Variants in PLS3 observed in about 807,000 individuals in gnomAD.
The protein encoded by PLS3 is plastin 3.
In PLS3, 11 loss-of-function variants were observed where a neutral mutation model predicts 46.5. That is an observed-to-expected ratio of 0.24 (90% CI 0.15 to 0.39). PLS3 has a LOEUF of 0.39. Ranked by LOEUF, PLS3 falls within the 10% of genes least tolerant of loss-of-function variation. The pLI is 1.00. For synonymous variants in PLS3, 167 were observed against 162.2 expected, an observed-to-expected ratio of 1.03 and a Z score of -0.22; for missense variants, 308 against 461.8, an observed-to-expected ratio of 0.67 and a Z score of 3.05.
intron 9 of PLS3, among the ~76,000 whole-genome samples, chrX:115,641,884 T>C (rs190073657): frequency 9.9e-4 from 109 of 110,033 alleles, no homozygotes; most frequent in African/African-American, 3.4e-3. Flanking sequence ...ACCCTACAAA[T>C]CTTGCTCTAA....
rs782001249 is a variant in PLS3 at position 115,636,554 on chromosome X, A to G, written c.749-282A>G. Among the ~76,000 whole-genome samples the G allele has an allele frequency of 8.0e-5, 9 of 112,281 alleles. No homozygotes were observed. In the South Asian group the frequency reaches 2.9e-3, roughly 37 times the overall value. On this transcript the variant is annotated intron_variant, in intron 7 of 15. Transcript: ENST00000355899. ...TTAAATAAGAACAACTTATACAAAC[A>G]TATGACATAATGTGAAGCTTGCATT...
At chrX:115,628,917 G>A (rs1277750255) in intron 3 of PLS3, among the ~76,000 whole-genome samples, 2 of 111,967 alleles carry the variant, frequency 1.8e-5, no homozygotes, top group Non-Finnish European at 3.8e-5. Flanking sequence ...AGATTTACCT[G>A]TGCCTTTGAA....
In PLS3 at chrX:115,646,100, C is replaced by G. The variant is rs782412156; in HGVS notation, c.1291C>G (p.Gln431Glu). ...ADLQDALVIL[Q>E]LYERIKVPVD... ...CCTGCAAGATGCCCTGGTAATCTTA[C>G]AGTTATATGAACGAATTAAAGTTCC... The change falls in exon 12 of 16, where the codon CAG becomes GAG. Residue 431 changes from glutamine to glutamate, a missense_variant. Around this residue, in one of 2 missense-constraint regions of PLS3, gnomAD observed 271 missense variants for 435.7 expected, o/e 0.62. Transcript: ENST00000355899. 6.8e-6 allele frequency: 8 copies of G among 1,181,529 alleles called. No individual in the cohort carries two copies. In the South Asian group the frequency reaches 1.4e-4, roughly 21 times the overall value.
intron 1 of PLS3, among the ~76,000 whole-genome samples, chrX:115,576,823 C>T (rs188769242): frequency 8.9e-6 from 1 of 112,359 alleles, no homozygotes; most frequent in East Asian, 2.8e-4. Context: ...CCATTTAGAA[C>T]TTCCTGCGTA....
At chrX:115,625,882 A>T (rs1271217001) in intron 3 of PLS3, among the ~76,000 whole-genome samples, 1 of 112,199 alleles carries the variant, frequency 8.9e-6, no homozygotes, top group Non-Finnish European at 1.9e-5. Flanking sequence ...AAAGAAGGCG[A>T]AACTTAATAA....
intron 1 of PLS3, among the ~76,000 whole-genome samples, chrX:115,590,712 C>A (rs1210537088): frequency 1.8e-5 from 2 of 111,357 alleles, no homozygotes; most frequent in Non-Finnish European, 1.9e-5. Context: ...CCCAGCTACT[C>A]GGGAGGCTGA....
chrX:115,629,097 T>C (rs1448404448), intron 3 of PLS3, 101 bp from the exon 4 acceptor site: 2 of 586,051 alleles, frequency 3.4e-6, no homozygotes, highest in Admixed American at 8.2e-5. Context: ...ACATCAGCTA[T>C]GGAAAAAATG....
intron 7 of PLS3, among the ~76,000 whole-genome samples, chrX:115,635,650 C>CAAAAAA (rs10606256): frequency 9.1e-5 from 2 of 21,887 alleles, no homozygotes; most frequent in African/African-American, 2.1e-4. Context: ...GACTCTGTCT[C>CAAAAAA]AAAAAAAAAA....
intron 3 of PLS3, among the ~76,000 whole-genome samples, chrX:115,624,971 T>G (rs2074695780): frequency 9.0e-6 from 1 of 111,620 alleles, no homozygotes; most frequent in African/African-American, 3.2e-5. Context: ...TCCCTGCTAT[T>G]CAAGAAATTT....
intron 2 of PLS3, among the ~76,000 whole-genome samples, chrX:115,611,402 C>CT (rs1173700114): frequency 4.5e-5 from 5 of 112,344 alleles, no homozygotes; most frequent in Middle Eastern, 4.2e-3. Flanking sequence ...ATGGATACCA[C>CT]TTACTGTAAG....
chrX:115,602,899 G>A (rs2074458439), intron 1 of PLS3, among the ~76,000 whole-genome samples: 1 of 109,599 alleles, frequency 9.1e-6, no homozygotes, highest in East Asian at 2.9e-4. Context: ...GATCAAAGTT[G>A]GTTACCCCCA....
In PLS3 at chrX:115,581,695, C is replaced by T. The variant is rs187991204; in HGVS notation, c.-9+20435C>T. 1.3e-3 allele frequency among the ~76,000 whole-genome samples: 147 copies of T among 111,959 alleles called. 1 individual carries two copies. The highest frequency in any genetic ancestry group is 4.5e-3 in the African/African-American group (140 of 30,875). On this transcript the variant is annotated intron_variant, in intron 1 of 15. Coordinates refer to ENST00000355899, the MANE Select transcript of PLS3 (RefSeq NM_005032.7). ...GTGGCAGGCACAAAACAAAACGTTC[C>T]GGTTATATTTTCCATCCTGTTTATA... is the stretch of plus-strand genomic sequence containing the variant.
intron 1 of PLS3, among the ~76,000 whole-genome samples, chrX:115,576,744 A>G (rs1366329997): frequency 9.0e-6 from 1 of 111,480 alleles, no homozygotes; most frequent in African/African-American, 3.3e-5. Flanking sequence ...ATCCTTTAGG[A>G]AAGGATAGGC....
chrX:115,604,228 G>A (rs888406302), intron 1 of PLS3, among the ~76,000 whole-genome samples: 5 of 111,818 alleles, frequency 4.5e-5, no homozygotes, highest in South Asian at 3.7e-4. Context: ...AGTAATTATA[G>A]GGAGATGAGA....
At chrX:115,577,203 C>T (rs1171529822) in intron 1 of PLS3, among the ~76,000 whole-genome samples, 1 of 111,779 alleles carries the variant, frequency 8.9e-6, no homozygotes, top group African/African-American at 3.3e-5. Context: ...ATAAAGTTAC[C>T]ATGAACTCTC....
At chrX:115,576,483 G>A (rs1556631220) in intron 1 of PLS3, among the ~76,000 whole-genome samples, 1 of 111,674 alleles carries the variant, frequency 9.0e-6, no homozygotes, top group African/African-American at 3.3e-5. Flanking sequence ...AGGTGGGAGG[G>A]TTGCTTGATC....
intron 1 of PLS3, among the ~76,000 whole-genome samples, chrX:115,574,172 A>G (rs1312516031): frequency 3.6e-5 from 4 of 111,905 alleles, no homozygotes; most frequent in Non-Finnish European, 7.5e-5. Flanking sequence ...CTGTACTTTT[A>G]GGGAGAAAGG....
intron 1 of PLS3, among the ~76,000 whole-genome samples, chrX:115,569,307 T>C (rs2074198292): frequency 9.0e-6 from 1 of 111,381 alleles, no homozygotes; most frequent in Non-Finnish European, 1.9e-5. Flanking sequence ...ATGTTTAATA[T>C]TATTATAAAA....
intron 1 of PLS3, among the ~76,000 whole-genome samples, chrX:115,595,637 A>C (rs1275966616): frequency 9.1e-6 from 1 of 110,136 alleles, no homozygotes; most frequent in Non-Finnish European, 1.9e-5. Context: ...ATTGACAATA[A>C]AAAATGTTAG....
Sources: gnomAD v4.1 joint callset for allele counts (sites outside exome capture counted in the v4.1 genomes callset) on GRCh38, gnomAD v4.1.1 for gene constraint, gnomAD v4.1.1 regional missense constraint, MANE v1.5 for transcripts, NCBI Gene and HGNC (gene_info 2026-07-23, HGNC 2026-07-21) for gene names.